DTD1: variants seen among roughly 807,000 people sequenced by gnomAD.
DTD1 encodes the protein D-aminoacyl-tRNA deacylase 1.
Under a neutral mutation model 25.6 loss-of-function variants are expected in DTD1, and 13 were observed. The ratio of observed to expected loss-of-function variants is 0.51; its 90% CI spans 0.33 to 0.81. The LOEUF is 0.81. DTD1 is among the 30% of genes least tolerant of loss of function. DTD1 has a pLI of 0.02. For missense variants in DTD1, 193 were observed against 266.4 expected, an observed-to-expected ratio of 0.72 and a Z score of 1.92; for synonymous variants, 110 against 103.6, an observed-to-expected ratio of 1.06 and a Z score of -0.37.
Position 18,679,948 on chromosome 20 carries a change from G to A in DTD1, c.477+51715G>A, listed in dbSNP as rs182422888. On this transcript the variant is annotated intron_variant, in intron 4 of 5. Transcript: ENST00000377452. ...GAAGACTTTTATGGTTCATAAAATT[G>A]GGTCTCCATTAGGCCCTCAGAAGTC... Among the ~76,000 whole-genome samples the A allele has an allele frequency of 7.9e-5, 12 of 152,228 alleles. No homozygotes were observed. The East Asian group carries it at 2.3e-3, about 29-fold the overall frequency.
intron 5 of DTD1, among the ~76,000 whole-genome samples, chr20:18,752,651 G>A (rs528048407): frequency 6.6e-6 from 1 of 152,308 alleles, no homozygotes; most frequent in Non-Finnish European, 1.5e-5. Context: ...TTCCCTGTCT[G>A]ATAATTCCAA....
At chr20:18,588,196 G>T (rs867036821) in intron 1 of DTD1, 81 bp downstream of exon 1, 1 of 1,167,420 alleles carries the variant, frequency 8.6e-7, no homozygotes, top group Non-Finnish European at 1.1e-6. Flanking sequence ...GTCTTCCTGC[G>T]CCATCCTTGG....
chr20:18,651,385 A>G (rs1313415572), intron 4 of DTD1, among the ~76,000 whole-genome samples: 1 of 152,186 alleles, frequency 6.6e-6, no homozygotes, highest in Non-Finnish European at 1.5e-5. Flanking sequence ...TCCCGACCTC[A>G]GGCAATCTGC....
At chr20:18,733,485 G>T (rs2122507915) in intron 4 of DTD1, among the ~76,000 whole-genome samples, 1 of 152,308 alleles carries the variant, frequency 6.6e-6, no homozygotes, top group East Asian at 1.9e-4. Context: ...TACACTGATA[G>T]GGAAACACTC....
At chr20:18,592,824 A>T (rs2060595265) in intron 1 of DTD1, among the ~76,000 whole-genome samples, 1 of 152,010 alleles carries the variant, frequency 6.6e-6, no homozygotes, top group Admixed American at 6.6e-5. Flanking sequence ...CTGGGATTAC[A>T]GGCGCCCGCC....
intron 4 of DTD1, among the ~76,000 whole-genome samples, chr20:18,672,447 G>GTT (rs1012997247): frequency 6.8e-6 from 1 of 146,200 alleles, no homozygotes. Flanking sequence ...GCTTTTTTCA[G>GTT]TTTTTTTTTT....
chr20:18,616,786 G>A (rs1368883940), intron 3 of DTD1, among the ~76,000 whole-genome samples: 1 of 152,186 alleles, frequency 6.6e-6, no homozygotes, highest in Admixed American at 6.6e-5. Flanking sequence ...TAGCCCGGGT[G>A]ATAGAGTAAG....
At chr20:18,595,903 T>A in intron 2 of DTD1, 103 bp from the exon 3 acceptor site, 1 of 958,606 alleles carries the variant, frequency 1.0e-6, no homozygotes, top group Admixed American at 1.9e-5. Flanking sequence ...GAGTCATCAT[T>A]ATGTCCTTAT....
At chr20:18,605,979 A>T (rs985201775) in intron 3 of DTD1, among the ~76,000 whole-genome samples, 2 of 147,796 alleles carry the variant, frequency 1.4e-5, no homozygotes, top group East Asian at 4.0e-4. Flanking sequence ...CTACCATCAG[A>T]GTGAACAGGC....
At chr20:18,717,174 A>G (rs139661026) in intron 4 of DTD1, among the ~76,000 whole-genome samples, 25 of 152,332 alleles carry the variant, frequency 1.6e-4, no homozygotes, top group Non-Finnish European at 3.1e-4. Flanking sequence ...GCAATCTGCA[A>G]TTTACTGGAG....
At chr20:18,663,660 C>T (rs1414100340) in intron 4 of DTD1, among the ~76,000 whole-genome samples, 1 of 152,136 alleles carries the variant, frequency 6.6e-6, no homozygotes, top group Non-Finnish European at 1.5e-5. Context: ...AGTTAGTTCT[C>T]ATGCCACTAC....
intron 4 of DTD1, among the ~76,000 whole-genome samples, chr20:18,629,076 A>C (rs1175026277): frequency 6.9e-6 from 1 of 144,430 alleles, no homozygotes; most frequent in African/African-American, 2.6e-5. Flanking sequence ...GGCTCACCGC[A>C]ACCTCCGCCT....
At chr20:18,643,215 TG>T in intron 4 of DTD1, 3 of 278,302 alleles carry the variant, frequency 1.1e-5, no homozygotes, top group South Asian at 3.5e-5. Flanking sequence ...ATGCCCAGCC[TG>T]GAGCACCAAT....
chr20:18,717,851 A>G (rs1387561302), intron 4 of DTD1, among the ~76,000 whole-genome samples: 2 of 152,210 alleles, frequency 1.3e-5, no homozygotes, highest in East Asian at 3.8e-4. Flanking sequence ...TTAAAAACTC[A>G]GTCTACAGAG....
At chr20:18,726,230 C>T (rs1399390566) in intron 4 of DTD1, among the ~76,000 whole-genome samples, 1 of 152,184 alleles carries the variant, frequency 6.6e-6, no homozygotes, top group Non-Finnish European at 1.5e-5. Flanking sequence ...TCTTGATGGT[C>T]TGACCTTCCT....
At position 18,764,094 on chromosome 20, in the gene DTD1, A is replaced by C. The variant is rs1420221160; in HGVS notation, c.*754A>C. The C allele has an allele frequency of 6.6e-6, 1 of 152,132 alleles. No individual in the cohort carries two copies. Among genetic ancestry groups the C allele is most frequent in the African/African-American group, 2.4e-5 (1 of 41,392 alleles). 9.4% of individuals were successfully genotyped at this position (152,132 alleles called of 1,614,324 possible). A position where few individuals can be genotyped will look rare whatever the true frequency, so the allele number is the denominator to read the frequency against. On this transcript the variant is annotated 3_prime_UTR_variant, in exon 6 of 6. Transcript: ENST00000377452. ...CTGTCTAGCCAGTTTACAATTGATG[A>C]CATGGTACTTGGAAGTGAGATGTCA... is the stretch of plus-strand genomic sequence containing the variant.
chr20:18,731,109 G>C (rs2061238030), intron 4 of DTD1, among the ~76,000 whole-genome samples: 1 of 152,200 alleles, frequency 6.6e-6, no homozygotes, highest in African/African-American at 2.4e-5. Context: ...TTCCCTGAGG[G>C]TCGATCCTTC....
chr20:18,743,748 A>T (rs1356940478), intron 4 of DTD1, among the ~76,000 whole-genome samples: 1 of 152,162 alleles, frequency 6.6e-6, no homozygotes, highest in East Asian at 1.9e-4. Flanking sequence ...TGAGAAAAAA[A>T]ACTATCAAAG....
intron 4 of DTD1, among the ~76,000 whole-genome samples, chr20:18,715,702 A>G (rs1431184701): frequency 6.6e-6 from 1 of 152,236 alleles, no homozygotes; most frequent in Non-Finnish European, 1.5e-5. Context: ...AAAAGTTGGC[A>G]ATGCTGGTTT....
Sources: gnomAD v4.1 joint callset for allele counts (sites outside exome capture counted in the v4.1 genomes callset) on GRCh38, gnomAD v4.1.1 for gene constraint, MANE v1.5 for transcripts, NCBI Gene and HGNC (gene_info 2026-07-23, HGNC 2026-07-21) for gene names.